The following PGCKA1 variants were observed in gnomAD, a reference collection of about 807,000 sequenced individuals.
PGCKA1 encodes PDCD10 and GCKIII kinases-associated protein 1.
the PGCKA1 span, among the ~76,000 whole-genome samples, chr4:37,571,359 T>TTTTCC: frequency 1.1e-4 from 13 of 121,082 alleles, no homozygotes; most frequent in African/African-American, 4.1e-4. Flanking sequence ...ATTATCCTTT[T>TTTTCC]TTTTTTTTTT....
At chr4:37,470,962 A>G in the PGCKA1 span, among the ~76,000 whole-genome samples, 2 of 152,378 alleles carry the variant, frequency 1.3e-5, no homozygotes, top group South Asian at 4.1e-4. Flanking sequence ...CCCATATACT[A>G]GGAAGAAAGT....
chr4:37,528,711 A>G, the PGCKA1 span, among the ~76,000 whole-genome samples: 1 of 152,234 alleles, frequency 6.6e-6, no homozygotes, highest in Non-Finnish European at 1.5e-5. Context: ...TCGTCCCACT[A>G]TAGTCTGCGG....
At chr4:37,487,011 C>T in the PGCKA1 span, among the ~76,000 whole-genome samples, 1 of 152,118 alleles carries the variant, frequency 6.6e-6, no homozygotes, top group Non-Finnish European at 1.5e-5. Flanking sequence ...AAAGTAATCA[C>T]CACTGTGATC....
the PGCKA1 span, among the ~76,000 whole-genome samples, chr4:37,515,555 A>G: frequency 6.6e-6 from 1 of 152,228 alleles, no homozygotes; most frequent in African/African-American, 2.4e-5. Context: ...ATACTACACT[A>G]TACCACACTG....
At chr4:37,562,675 ACTCCGGAG>A in the PGCKA1 span, among the ~76,000 whole-genome samples, 1 of 152,052 alleles carries the variant, frequency 6.6e-6, no homozygotes, top group African/African-American at 2.4e-5. Context: ...TCCTACGGTT[ACTCCGGAG>A]CTCCTTGTCC....
chr4:37,525,419 T>C, the PGCKA1 span, among the ~76,000 whole-genome samples: 84 of 152,168 alleles, frequency 5.5e-4, no homozygotes, highest in Admixed American at 2.0e-4. Flanking sequence ...TGGGTGAGAA[T>C]TAGCCACTCT....
chr4:37,556,449 A>G, the PGCKA1 span, among the ~76,000 whole-genome samples: 2 of 121,826 alleles, frequency 1.6e-5, no homozygotes, highest in Non-Finnish European at 3.6e-5. Flanking sequence ...TTGTATTTTT[A>G]GTAGAGACGG....
At chr4:37,509,833 C>T in the PGCKA1 span, among the ~76,000 whole-genome samples, 20 of 151,664 alleles carry the variant, frequency 1.3e-4, no homozygotes, top group South Asian at 4.2e-4. Flanking sequence ...CGTGGCGGCG[C>T]GCGCCTGCAA....
the PGCKA1 span, among the ~76,000 whole-genome samples, chr4:37,531,830 T>C: frequency 6.9e-6 from 1 of 145,190 alleles, no homozygotes. Flanking sequence ...AGGCAGAGCT[T>C]GCAGTGAGCC....
At chr4:37,509,635 G>A in the PGCKA1 span, among the ~76,000 whole-genome samples, 1 of 151,260 alleles carries the variant, frequency 6.6e-6, no homozygotes, top group African/African-American at 2.4e-5. Context: ...AGGTTGTAGC[G>A]AGCCGAGATC....
the PGCKA1 span, among the ~76,000 whole-genome samples, chr4:37,543,854 C>T: frequency 6.6e-6 from 1 of 151,510 alleles, no homozygotes; most frequent in Non-Finnish European, 1.5e-5. Flanking sequence ...AAGAAGGCTG[C>T]TAGAGCCTTC....
chr4:37,514,919 T>A, the PGCKA1 span, among the ~76,000 whole-genome samples: 1 of 152,174 alleles, frequency 6.6e-6, no homozygotes, highest in Non-Finnish European at 1.5e-5. Flanking sequence ...GACTTCTTGG[T>A]TTCAAAAGCA....
At chr4:37,570,850 G>C in the PGCKA1 span, among the ~76,000 whole-genome samples, 4 of 152,192 alleles carry the variant, frequency 2.6e-5, no homozygotes, top group African/African-American at 9.7e-5. Context: ...TTGCATAATA[G>C]AGGTTTTGCT....
chr4:37,505,329 G>C, the PGCKA1 span, among the ~76,000 whole-genome samples: 3 of 152,120 alleles, frequency 2.0e-5, no homozygotes, highest in South Asian at 6.2e-4. Context: ...GTATTTCTTT[G>C]AGGATTTTTG....
the PGCKA1 span, among the ~76,000 whole-genome samples, chr4:37,560,037 A>T: frequency 6.6e-6 from 1 of 152,164 alleles, no homozygotes; most frequent in Non-Finnish European, 1.5e-5. Context: ...GTGGCTCTAG[A>T]TCATTCAATA....
At chr4:37,537,553 G>C in the PGCKA1 span, among the ~76,000 whole-genome samples, 1 of 152,178 alleles carries the variant, frequency 6.6e-6, no homozygotes, top group East Asian at 1.9e-4. Flanking sequence ...ATGAGGCTGA[G>C]GTTTAAAGAT....
the PGCKA1 span, among the ~76,000 whole-genome samples, chr4:37,520,320 A>G: frequency 6.6e-6 from 1 of 152,168 alleles, no homozygotes; most frequent in African/African-American, 2.4e-5. Context: ...GAATAGCTTG[A>G]GTAGCGTTGG....
chr4:37,553,791 A>G, the PGCKA1 span, among the ~76,000 whole-genome samples: 1 of 152,224 alleles, frequency 6.6e-6, no homozygotes, highest in Non-Finnish European at 1.5e-5. Flanking sequence ...ATTTTTTAAA[A>G]CATGCAAGGT....
chr4:37,558,743 T>G, the PGCKA1 span, among the ~76,000 whole-genome samples: 1 of 104,866 alleles, frequency 9.5e-6, no homozygotes, highest in East Asian at 2.4e-4. Flanking sequence ...CAACCAAATT[T>G]ACAAGAAAAA....
Sources: gnomAD v4.1 joint callset for allele counts (sites outside exome capture counted in the v4.1 genomes callset) on GRCh38, gnomAD v4.1.1 for gene constraint, MANE v1.5 for transcripts, NCBI Gene and HGNC (gene_info 2026-07-23, HGNC 2026-07-21) for gene names.